Variants in ARHGAP15 observed in about 807,000 individuals in gnomAD.
ARHGAP15 encodes rho GTPase-activating protein 15.
Under a neutral mutation model 63.7 loss-of-function variants are expected in ARHGAP15, and 51 were observed. The ratio of observed to expected loss-of-function variants is 0.80; its 90% CI spans 0.64 to 1.01. The LOEUF (loss-of-function observed/expected upper bound fraction) is 1.01. Among genes scored for constraint, ARHGAP15 ranks in the 50% least tolerant of loss-of-function variants. The pLI, the probability that ARHGAP15 is intolerant of heterozygous loss-of-function variation, is 0.00. For synonymous variants in ARHGAP15, 191 were observed against 193.8 expected, an observed-to-expected ratio of 0.99 and a Z score of 0.12; for missense variants, 560 against 564.6, an observed-to-expected ratio of 0.99 and a Z score of 0.08.
intron 6 of ARHGAP15, among the ~76,000 whole-genome samples, chr2:143,366,150 C>G (rs1686283297): frequency 6.6e-6 from 1 of 152,162 alleles, no homozygotes; most frequent in Non-Finnish European, 1.5e-5. Flanking sequence ...GATAGTCTCT[C>G]TCTTATTATG....
In ARHGAP15 at chr2:143,624,187, G is replaced by C; in HGVS notation, c.1058G>C (p.Gly353Ala). 6.2e-7 allele frequency: 1 copy of C among 1,613,672 alleles called. No homozygotes were observed. The highest frequency in any genetic ancestry group is 8.5e-7 in the Non-Finnish European group (1 of 1,179,772). The part of the protein sequence containing the change: ...SQWEDIHVVT[G>A]ALKMFFRELP... ...TGGGAGGACATCCACGTTGTCACCG[G>C]AGCACTGAAGATGTTTTTCCGGGAG... The change falls in exon 12 of 14, where the codon GGA becomes GCA. Residue 353 changes from glycine to alanine, a missense_variant. Gly to Ala is a moderately conservative substitution (Grantham distance 60). Coordinates refer to ENST00000295095, the MANE Select transcript of ARHGAP15 (RefSeq NM_018460.4).
At chr2:143,519,415 A>C in intron 10 of ARHGAP15, 51 bp downstream of exon 10, 1 of 1,453,894 alleles carries the variant, frequency 6.9e-7, no homozygotes, top group South Asian at 1.2e-5. Context: ...CCCTCTACAC[A>C]ACCAATACTC....
intron 6 of ARHGAP15, among the ~76,000 whole-genome samples, chr2:143,426,997 A>G (rs758633129): frequency 2.0e-5 from 3 of 152,110 alleles, no homozygotes; most frequent in Non-Finnish European, 2.9e-5. Flanking sequence ...TTACTTAGCT[A>G]TATTTCTCTA....
chr2:143,370,131 A>G (rs1190445571), intron 6 of ARHGAP15, among the ~76,000 whole-genome samples: 2 of 152,204 alleles, frequency 1.3e-5, no homozygotes, highest in Admixed American at 6.5e-5. Flanking sequence ...TAAGAACCCT[A>G]AGGAATGATA....
chr2:143,252,840 A>G (rs1415784084), intron 6 of ARHGAP15, among the ~76,000 whole-genome samples: 1 of 152,114 alleles, frequency 6.6e-6, no homozygotes, highest in Non-Finnish European at 1.5e-5. Flanking sequence ...AGCTAAATCT[A>G]GATGACTTGC....
In ARHGAP15 at chr2:143,436,991, C is replaced by A; in HGVS notation, c.652C>A (p.His218Asn). The A allele has an allele frequency of 6.2e-7, 1 of 1,609,928 alleles. No individual in the cohort carries two copies. The highest frequency in any genetic ancestry group is 1.1e-5 in the South Asian group (1 of 89,804). ...QRSSSTELLS[H>N]YDSDIKEQKP... ...ATCCTCTAGCACTGAATTGCTAAGT[C>A]ACTACGACAGTGATATAAAAGAACA... The change falls in exon 8 of 14, where the codon CAC (histidine) becomes AAC (asparagine). Residue 218 changes from histidine (H) to asparagine (N), a missense_variant. By Grantham distance (68) the His-to-Asn change is moderately conservative (BLOSUM62 1). Coordinates refer to ENST00000295095, the MANE Select transcript of ARHGAP15 (RefSeq NM_018460.4).
In ARHGAP15 at chr2:143,240,118, G is replaced by A. The variant is rs577901023; in HGVS notation, c.385-10393G>A. ...TTGAACCCAGGTGTTTGAGGCCGCA[G>A]TGAGCTATGATTAAGTCACTGCACT... On this transcript the variant is annotated intron_variant, in intron 5 of 13. Coordinates refer to ENST00000295095, the MANE Select transcript of ARHGAP15 (RefSeq NM_018460.4). 4.0e-5 allele frequency among the ~76,000 whole-genome samples: 6 copies of A among 151,046 alleles called. No homozygotes were observed. In the South Asian group the frequency reaches 1.3e-3, roughly 32 times the overall value.
chr2:143,166,303 C>T (rs1292859985), intron 2 of ARHGAP15, among the ~76,000 whole-genome samples: 5 of 152,118 alleles, frequency 3.3e-5, no homozygotes, highest in African/African-American at 2.4e-5. Context: ...AATTCCTGCT[C>T]GTTGAGTGGT....
chr2:143,416,479 G>T (rs1197112901), intron 6 of ARHGAP15, among the ~76,000 whole-genome samples: 1 of 128,220 alleles, frequency 7.8e-6, no homozygotes, highest in African/African-American at 2.6e-5. Flanking sequence ...TCACTCGATT[G>T]CAGTTGGTCT....
At chr2:143,435,074 T>A (rs1689550652) in intron 6 of ARHGAP15, among the ~76,000 whole-genome samples, 1 of 152,144 alleles carries the variant, frequency 6.6e-6, no homozygotes, top group Non-Finnish European at 1.5e-5. Context: ...AGATCTCTGA[T>A]AAGAAAGTAG....
At chr2:143,595,608 A>G (rs962813465) in intron 11 of ARHGAP15, among the ~76,000 whole-genome samples, 2 of 152,062 alleles carry the variant, frequency 1.3e-5, no homozygotes, top group Non-Finnish European at 2.9e-5. Flanking sequence ...TACTACCTGG[A>G]ATATAGTAGA....
chr2:143,673,783 T>TATATATATATATATATATATAA (rs1331843273), intron 12 of ARHGAP15, among the ~76,000 whole-genome samples: 1 of 121,130 alleles, frequency 8.3e-6, no homozygotes, highest in African/African-American at 2.8e-5. Flanking sequence ...TATATATATA[T>TATATATATATATATATATATAA]AAACAACTCC....
chr2:143,588,627 C>CAT (rs1697201543), intron 11 of ARHGAP15, among the ~76,000 whole-genome samples: 2 of 152,150 alleles, frequency 1.3e-5, no homozygotes, highest in Non-Finnish European at 2.9e-5. Flanking sequence ...ATGATGGCTT[C>CAT]CGGCTTCATC....
At position 143,287,202 on chromosome 2, in the gene ARHGAP15, CAAAAT is replaced by C. The variant is rs1407134113; in HGVS notation, c.474+36606_474+36610del. 2.0e-5 allele frequency among the ~76,000 whole-genome samples: 3 copies of C among 152,172 alleles called. No individual in the cohort carries two copies. In the East Asian group the frequency reaches 5.8e-4, roughly 29 times the overall value. On this transcript the variant is annotated intron_variant, in intron 6 of 13. Transcript: ENST00000295095. ...TGCTGATATAAAATTTGACTAATAACAAAATAAATTATATTAGTCCTTAGAAGGGA... is the reference window on the plus strand; with the variant it reads ...TGCTGATATAAAATTTGACTAATAACAAATTATATTAGTCCTTAGAAGGGA...
chr2:143,598,742 G>A (rs6746362), intron 11 of ARHGAP15, among the ~76,000 whole-genome samples: 42,417 of 151,722 alleles, frequency 0.28, 6,593 homozygotes, highest in African/African-American at 0.42. Flanking sequence ...CCCCATCTCC[G>A]TAAAAACATG....
chr2:143,631,303 T>C (rs182604809), intron 12 of ARHGAP15, among the ~76,000 whole-genome samples: 1 of 152,238 alleles, frequency 6.6e-6, no homozygotes, highest in African/African-American at 2.4e-5. Context: ...TACAAATTTT[T>C]GTGTGGACAA....
intron 2 of ARHGAP15, among the ~76,000 whole-genome samples, chr2:143,186,218 G>A (rs1351256421): frequency 6.6e-6 from 1 of 152,148 alleles, no homozygotes; most frequent in Non-Finnish European, 1.5e-5. Context: ...CTTTGTTTAT[G>A]AATAAAATTT....
chr2:143,224,938 C>T (rs1693146104), intron 4 of ARHGAP15, among the ~76,000 whole-genome samples: 2 of 152,136 alleles, frequency 1.3e-5, no homozygotes, highest in African/African-American at 4.8e-5. Context: ...GCAACCTAAC[C>T]CAAGGACAGA....
chr2:143,628,469 AAGAG>A (rs1698929441), intron 12 of ARHGAP15, among the ~76,000 whole-genome samples: 1 of 152,166 alleles, frequency 6.6e-6, no homozygotes, highest in Admixed American at 6.5e-5. Flanking sequence ...AGATGGTAGA[AAGAG>A]AGAGAAGACA....
Sources: gnomAD v4.1 joint callset for allele counts (sites outside exome capture counted in the v4.1 genomes callset) on GRCh38, gnomAD v4.1.1 for gene constraint, MANE v1.5 for transcripts, NCBI Gene and HGNC (gene_info 2026-07-23, HGNC 2026-07-21) for gene names.